SORCS2: variants seen among roughly 807,000 people sequenced by gnomAD.
SORCS2 encodes the protein sortilin related VPS10 domain containing receptor 2, also known as VPS10 domain-containing receptor SorCS2.
Under a neutral mutation model 141.6 loss-of-function variants are expected in SORCS2, and 100 were observed. The observed-to-expected ratio is 0.71, with a 90% CI of 0.60 to 0.83. The LOEUF (loss-of-function observed/expected upper bound fraction) is 0.83, where lower values mean the gene tolerates loss of function less well. Among genes scored for constraint, SORCS2 ranks in the 40% least tolerant of loss-of-function variants. The probability of loss-of-function intolerance (pLI) is 0.00; values close to 1 mark genes in which losing one functional copy is unlikely to be tolerated. For synonymous variants in SORCS2, 789 were observed against 676.9 expected (o/e 1.17, Z -2.57); for missense variants, 1,646 against 1,560.2 (o/e 1.05, Z -0.93).
rs535567126 is a variant in SORCS2 at position 7,476,530 on chromosome 4, G to A, written c.549-55000G>A. Among the ~76,000 whole-genome samples, 9 of 152,224 alleles carry A rather than the reference G, an allele frequency of 5.9e-5. No homozygotes were observed. The South Asian group carries it at 1.9e-3, about 32-fold the overall frequency. On this transcript the variant is annotated intron_variant, in intron 2 of 26. Coordinates refer to ENST00000507866, the MANE Select transcript of SORCS2 (RefSeq NM_020777.3). ...GATGACTGCTTGATTGGATCACTGG[G>A]AACCATAGCCTAGACAGGTTGACAC...
chr4:7,200,304 G>A (rs1263417370), intron 1 of SORCS2, among the ~76,000 whole-genome samples: 2 of 152,020 alleles, frequency 1.3e-5, no homozygotes, highest in African/African-American at 2.4e-5. Context: ...CTCTGACCCC[G>A]GGGTCCCTCC....
intron 1 of SORCS2, among the ~76,000 whole-genome samples, chr4:7,364,922 C>T (rs745317057): frequency 4.4e-4 from 67 of 152,346 alleles, no homozygotes; most frequent in Non-Finnish European, 7.9e-4. Flanking sequence ...GGGTTCAGGA[C>T]CTGGCTCTGC....
At chr4:7,701,573 T>C (rs1048800280) in intron 12 of SORCS2, among the ~76,000 whole-genome samples, 10 of 152,152 alleles carry the variant, frequency 6.6e-5, no homozygotes, top group African/African-American at 2.4e-4. Context: ...TGGGCTTGAC[T>C]GTAAGTGTCA....
intron 1 of SORCS2, among the ~76,000 whole-genome samples, chr4:7,304,280 G>C (rs4392510): frequency 0.54 from 81,886 of 152,000 alleles, 22,905 homozygotes; most frequent in South Asian, 0.66. Flanking sequence ...ATGGGTCTGT[G>C]AGGCTCAAAA....
chr4:7,369,737 A>G (rs537377742), intron 1 of SORCS2, among the ~76,000 whole-genome samples: 1 of 152,236 alleles, frequency 6.6e-6, no homozygotes, highest in Admixed American at 6.5e-5. Context: ...TCGGCTTTGC[A>G]GGTTCTCCCT....
rs369562883 is a variant in SORCS2 at position 7,663,758 on chromosome 4, C to T, written c.953-595C>T. Among the ~76,000 whole-genome samples the T allele has an allele frequency of 2.6e-5, 4 of 152,268 alleles. No homozygotes were observed. Among genetic ancestry groups the T allele is most frequent in the African/African-American group, 9.6e-5 (4 of 41,558 alleles). On this transcript the variant is annotated intron_variant, in intron 6 of 26. Transcript: ENST00000507866. This position sits in a 1 kb window ranked among gnomAD's most constrained non-coding sequence, Gnocchi z 4.8. ...AGGAAGAGGAGGAGGAGGAGGCACC[C>T]TTCCCTTGGTCCCCTTGGATAAATC...
chr4:7,711,448 C>G (rs1041859206), intron 14 of SORCS2, among the ~76,000 whole-genome samples: 1 of 152,206 alleles, frequency 6.6e-6, no homozygotes, highest in Non-Finnish European at 1.5e-5. Flanking sequence ...ACTGGAGCAG[C>G]GTGCATCACC....
At chr4:7,495,597 G>A (rs750738937) in intron 2 of SORCS2, among the ~76,000 whole-genome samples, 5 of 152,218 alleles carry the variant, frequency 3.3e-5, no homozygotes, top group Non-Finnish European at 7.3e-5. Flanking sequence ...TCATGGAAAT[G>A]AGCAGTTGTC....
intron 2 of SORCS2, among the ~76,000 whole-genome samples, chr4:7,408,495 A>G (rs990917585): frequency 2.0e-5 from 3 of 151,202 alleles, no homozygotes; most frequent in Admixed American, 6.6e-5. Flanking sequence ...TGTATGGGTT[A>G]TTTGCTTCTT....
In SORCS2 at chr4:7,434,403, A is replaced by T. The variant is rs745631879; in HGVS notation, c.548+38048A>T. 9.9e-6 allele frequency: 16 copies of T among 1,608,234 alleles called. No homozygotes were observed. The South Asian group carries it at 1.8e-4, about 18-fold the overall frequency. ...TGGCCATGAACGGAGCCACAGCCTCAAAGGTGTCCTCTTTGGAGAGTGGCC... is the reference window on the plus strand; with the variant it reads ...TGGCCATGAACGGAGCCACAGCCTCTAAGGTGTCCTCTTTGGAGAGTGGCC... On this transcript the variant is annotated intron_variant, in intron 2 of 26. Coordinates refer to ENST00000507866, the MANE Select transcript of SORCS2 (RefSeq NM_020777.3).
chr4:7,490,185 G>T (rs1291745994), intron 2 of SORCS2, among the ~76,000 whole-genome samples: 1 of 152,178 alleles, frequency 6.6e-6, no homozygotes, highest in African/African-American at 2.4e-5. Flanking sequence ...GCTTCTCGAT[G>T]CTCTAAGCAT....
At chr4:7,661,335 C>A (rs924739083) in intron 5 of SORCS2, among the ~76,000 whole-genome samples, 165 bp from the exon 6 acceptor site, 2 of 152,024 alleles carry the variant, frequency 1.3e-5, no homozygotes, top group East Asian at 3.9e-4. Context: ...CTCCAAGCAC[C>A]TCAGGAGCAG....
At chr4:7,341,649 C>A (rs560490731) in intron 1 of SORCS2, among the ~76,000 whole-genome samples, 1 of 152,336 alleles carries the variant, frequency 6.6e-6, no homozygotes, top group African/African-American at 2.4e-5. Flanking sequence ...GGGCCAGGGA[C>A]CACATGTGCA....
At chr4:7,405,223 G>A (rs13102710) in intron 2 of SORCS2, among the ~76,000 whole-genome samples, 1 of 151,816 alleles carries the variant, frequency 6.6e-6, no homozygotes, top group Non-Finnish European at 1.5e-5. Context: ...GTGTCTATTT[G>A]TATAACAGTA....
chr4:7,668,206 T>C (rs1722609667), intron 8 of SORCS2, among the ~76,000 whole-genome samples: 1 of 152,084 alleles, frequency 6.6e-6, no homozygotes, highest in African/African-American at 2.4e-5. Flanking sequence ...CATAAAATAA[T>C]TGCAAGTTGT....
chr4:7,627,450 T>G (rs1197033081), intron 3 of SORCS2, among the ~76,000 whole-genome samples: 2 of 152,198 alleles, frequency 1.3e-5, no homozygotes, highest in Non-Finnish European at 2.9e-5. Flanking sequence ...CTCAGAATTG[T>G]GCATGAACTC....
At chr4:7,571,094 A>G (rs1715358401) in intron 3 of SORCS2, among the ~76,000 whole-genome samples, 1 of 152,236 alleles carries the variant, frequency 6.6e-6, no homozygotes, top group South Asian at 2.1e-4. Flanking sequence ...ATAAGCAGTT[A>G]CAGCAGCCCC....
intron 3 of SORCS2, among the ~76,000 whole-genome samples, chr4:7,609,256 C>A (rs183112116): frequency 5.3e-5 from 8 of 152,224 alleles, no homozygotes; most frequent in Admixed American, 3.9e-4. Flanking sequence ...CCTTGCAGAA[C>A]TTTGAAAGGA....
chr4:7,711,406 T>A (rs1725819204), intron 14 of SORCS2, among the ~76,000 whole-genome samples: 1 of 152,136 alleles, frequency 6.6e-6, no homozygotes, highest in Admixed American at 6.5e-5. Flanking sequence ...CAAGTATCCA[T>A]CCCCAGTTGG....
Sources: allele counts gnomAD v4.1 joint callset (sites outside exome capture counted in the v4.1 genomes callset), GRCh38; gene constraint gnomAD v4.1.1; non-coding constraint Gnocchi (gnomAD v3.1); transcripts MANE v1.5; gene names NCBI Gene and HGNC (gene_info 2026-07-23, HGNC 2026-07-21).